Variants in ANGEL2 observed in about 807,000 individuals in gnomAD.
ANGEL2 encodes the protein RNA 2',3'-cyclic phosphatase ANGEL2.
In ANGEL2, 41 loss-of-function variants were observed where a neutral mutation model predicts 66.0. The ratio of observed to expected loss-of-function variants is 0.62; its 90% confidence interval spans 0.48 to 0.81. ANGEL2 has a LOEUF of 0.81. ANGEL2 is among the 30% of genes least tolerant of loss of function. The pLI, the probability that ANGEL2 is intolerant of heterozygous loss-of-function variation, is 0.00. For missense variants in ANGEL2, 561 were observed against 641.6 expected (o/e 0.87, Z 1.36); for synonymous variants, 208 against 226.5 (o/e 0.92, Z 0.73).
At chr1:213,011,185 T>A in intron 2 of ANGEL2, 1 of 1,288,812 alleles carries the variant, frequency 7.8e-7, no homozygotes, top group Non-Finnish European at 1.0e-6. Flanking sequence ...CAACATAAAT[T>A]CACACTACAA....
chr1:212,996,636 AAAAAATATATAT>A (rs1315406357), intron 8 of ANGEL2, among the ~76,000 whole-genome samples: 7 of 41,978 alleles, frequency 1.7e-4, no homozygotes, highest in Admixed American at 4.0e-4. Flanking sequence ...AAAAAAAAAA[AAAAAATATATAT>A]ATATATATAT....
intron 2 of ANGEL2, among the ~76,000 whole-genome samples, chr1:213,009,000 G>A (rs2076421914): frequency 6.6e-6 from 1 of 152,204 alleles, no homozygotes; most frequent in Non-Finnish European, 1.5e-5. Context: ...ATATATGGAA[G>A]AAGTTTTAGT....
chr1:213,000,735 A>C (rs760403070), intron 6 of ANGEL2, 51 bp downstream of exon 6: 1 of 1,544,138 alleles, frequency 6.5e-7, no homozygotes, highest in East Asian at 2.4e-5. Context: ...TATGTCTTCA[A>C]AGGGAACATG....
rs565420669 is a variant in ANGEL2, at chr1:213,013,270, T to C, written c.208A>G (p.Ser70Gly). The C allele has an allele frequency of 1.9e-6, 3 of 1,614,120 alleles. No homozygotes were observed. Among genetic ancestry groups the C allele is most frequent in the Middle Eastern group, 1.6e-4 (1 of 6,062 alleles). The change falls in exon 2 of 9, where the codon AGT becomes GGT. Residue 70 changes from serine to glycine, a missense_variant. Transcript: ENST00000366962. ...CAATTTAGTGAAAAATGCCTACTAC[T>C]GAAGTATGGGTAAGGAGCTCGAGAG... Reference protein sequence around the residue: ...HYSRAPYPYFSSRHFSLNWRP... With the variant: ...HYSRAPYPYFGSRHFSLNWRP...
intron 2 of ANGEL2, among the ~76,000 whole-genome samples, 167 bp downstream of exon 2, chr1:213,012,926 G>T (rs1480087604): frequency 1.3e-5 from 2 of 152,112 alleles, no homozygotes; most frequent in African/African-American, 2.4e-5. Context: ...TAAAAATAAA[G>T]ACTTCATTTA....
chr1:213,008,488 A>C, intron 2 of ANGEL2, 22 bp from the exon 3 acceptor site: 1 of 1,601,190 alleles, frequency 6.2e-7, no homozygotes, highest in Non-Finnish European at 8.5e-7. Flanking sequence ...TATTGCACAA[A>C]TATAAGGAAT....
chr1:213,007,148 C>A lies in ANGEL2; in HGVS notation c.693G>T (p.Arg231Ser). 1.2e-6 allele frequency: 2 copies of A among 1,607,906 alleles called. No individual in the cohort carries two copies. The highest frequency in any genetic ancestry group is 1.7e-6 in the Non-Finnish European group (2 of 1,177,724). The change falls in exon 4 of 9, where the codon AGG (arginine) becomes AGT (serine). Residue 231 changes from arginine to serine, a missense_variant. Arg to Ser is a moderately radical substitution (Grantham distance 110). Coordinates refer to ENST00000366962, the MANE Select transcript of ANGEL2 (RefSeq NM_144567.5). ...TTGTACCCAGTGATTCCAAACTTGG[C>A]CTGATCTCTGCTCCATAATGATCTT... ...VQEDHYGAEI[R>S]PSLESLGYHC...
At chr1:213,009,988 T>C (rs1362946651) in intron 2 of ANGEL2, among the ~76,000 whole-genome samples, 1 of 149,010 alleles carries the variant, frequency 6.7e-6, no homozygotes, top group Non-Finnish European at 1.5e-5. Flanking sequence ...GAAGCAGAGG[T>C]TGCAGTGAGC....
rs2076356007 is a variant in ANGEL2 at position 213,007,141 on chromosome 1, A to G, written c.700T>C (p.Leu234=). The G allele has an allele frequency of 3.7e-6, 6 of 1,609,692 alleles. No homozygotes were observed. Among genetic ancestry groups the G allele is most frequent in the African/African-American group, 2.7e-5 (2 of 74,440 alleles). ...AGTTGCATTGTACCCAGTGATTCCAAACTTGGCCTGATCTCTGCTCCATAA... is the reference window on the plus strand; with the variant it reads ...AGTTGCATTGTACCCAGTGATTCCAGACTTGGCCTGATCTCTGCTCCATAA... ...DHYGAEIRPS[L]ESLGYHCEYK... Residue 234 remains leucine (L), a synonymous_variant, in exon 4 of 9, where the codon TTG becomes CTG. Transcript: ENST00000366962.
At chr1:213,008,530 T>G in intron 2 of ANGEL2, 64 bp from the exon 3 acceptor site, 2 of 1,528,470 alleles carry the variant, frequency 1.3e-6, no homozygotes, top group Non-Finnish European at 1.8e-6. Context: ...GTTTCCCACA[T>G]ATATGTATTT....
rs571124722 is a variant in ANGEL2 at position 212,993,314 on chromosome 1, T to C, written c.*1727A>G. 1.3e-5 allele frequency: 2 copies of C among 151,900 alleles called. No individual in the cohort carries two copies. The highest frequency in any genetic ancestry group is 2.9e-5 in the Non-Finnish European group (2 of 67,912). 9.4% of individuals were successfully genotyped at this position (151,900 alleles called of 1,614,324 possible). ...ATAGCGTGAGACACCATCTAAAAAATAAAAAAATAAAAACCCCCCAAAATG... is the reference window on the plus strand; with the variant it reads ...ATAGCGTGAGACACCATCTAAAAAACAAAAAAATAAAAACCCCCCAAAATG... On this transcript the variant is annotated 3_prime_UTR_variant, in exon 9 of 9. Coordinates refer to ENST00000366962, the MANE Select transcript of ANGEL2 (RefSeq NM_144567.5).
At chr1:213,011,409 G>T in intron 2 of ANGEL2, 1 of 1,131,024 alleles carries the variant, frequency 8.8e-7, no homozygotes, top group Non-Finnish European at 1.1e-6. Context: ...GTGAAATATC[G>T]GAAGTCACAA....
intron 4 of ANGEL2, among the ~76,000 whole-genome samples, chr1:213,005,796 C>A (rs565359261): frequency 6.6e-6 from 1 of 152,330 alleles, no homozygotes; most frequent in South Asian, 2.1e-4. Flanking sequence ...CCTTCCCCCT[C>A]ACTTCATTCC....
At chr1:212,995,841 A>G (rs2075979250) in intron 8 of ANGEL2, among the ~76,000 whole-genome samples, 2 of 152,200 alleles carry the variant, frequency 1.3e-5, no homozygotes, top group Non-Finnish European at 1.5e-5. Context: ...CAGAGGGGAA[A>G]AGGGTAAAGA....
chr1:212,994,999 C>T lies in ANGEL2; in HGVS notation c.*42G>A. ...TAAGAACTTTACATTCTTTGAAAAA[C>T]AATACAAATTGGAAAGAAAATTAGT... On this transcript the variant is annotated 3_prime_UTR_variant, in exon 9 of 9. Coordinates refer to ENST00000366962, the MANE Select transcript of ANGEL2 (RefSeq NM_144567.5). 1.9e-6 allele frequency: 3 copies of T among 1,546,282 alleles called. No individual in the cohort carries two copies. Among genetic ancestry groups the T allele is most frequent in the Non-Finnish European group, 2.6e-6 (3 of 1,144,884 alleles).
chr1:213,005,494 T>C, intron 4 of ANGEL2, 40 bp from the exon 5 acceptor site: 1 of 1,514,490 alleles, frequency 6.6e-7, no homozygotes, highest in Non-Finnish European at 8.8e-7. Context: ...TGACTGCTTT[T>C]ATATATTTAT....
rs770086101 is a variant in ANGEL2 at position 212,995,176 on chromosome 1, C to T, written c.1500G>A (p.Leu500=). The T allele has an allele frequency of 2.5e-6, 4 of 1,604,418 alleles. No individual in the cohort carries two copies. The South Asian group carries it at 4.5e-5, about 18-fold the overall frequency. ...TAGCTAGAAGTTTCAAGCCACCAAC[C>T]AAAGCAACTTCAGCTCCTACATTAA... ...VAGHPGAEVA[L]VGGLKLLARL... The change falls in exon 9 of 9, where the codon TTG becomes TTA. Residue 500 remains leucine (L), a synonymous_variant. Transcript: ENST00000366962.
chr1:213,005,229 T>C lies in ANGEL2; in HGVS notation c.938A>G (p.Tyr313Cys), dbSNP rs2076290598. ...CTTAATATCACCTCGCCTTGGATTA[T>C]ACAACAGATGCGTATTTGCTACGCA... ...AICVANTHLL[Y>C]NPRRGDIKLT... The change falls in exon 5 of 9, where the codon TAT (tyrosine) becomes TGT (cysteine). Residue 313 changes from tyrosine (Y) to cysteine (C), a missense_variant. Transcript: ENST00000366962. 8.1e-6 allele frequency: 13 copies of C among 1,614,250 alleles called. No individual in the cohort carries two copies. Among genetic ancestry groups the C allele is most frequent in the Non-Finnish European group, 9.3e-6 (11 of 1,180,050 alleles).
At chr1:212,995,569 G>A (rs773506019) in intron 8 of ANGEL2, among the ~76,000 whole-genome samples, 6 of 152,216 alleles carry the variant, frequency 3.9e-5, no homozygotes, top group Non-Finnish European at 8.8e-5. Context: ...TTTATAAGGT[G>A]AATGGAGAAT....
Sources: gnomAD v4.1 joint callset for allele counts (sites outside exome capture counted in the v4.1 genomes callset) on GRCh38, gnomAD v4.1.1 for gene constraint, MANE v1.5 for transcripts, NCBI Gene and HGNC (gene_info 2026-07-23, HGNC 2026-07-21) for gene names.